CNBD1: variants seen among roughly 807,000 people sequenced by gnomAD.
The protein encoded by CNBD1 is cyclic nucleotide-binding domain-containing protein 1.
Under a neutral mutation model 54.4 loss-of-function variants are expected in CNBD1, and 71 were observed. The observed-to-expected ratio is 1.30, with a 90% CI of 1.08 to 1.59. The LOEUF (loss-of-function observed/expected upper bound fraction) is 1.59, where lower values mean the gene tolerates loss of function less well. Ranked by LOEUF, CNBD1 falls within the 40% of genes most tolerant of loss-of-function variation. The pLI, the probability that CNBD1 is intolerant of heterozygous loss-of-function variation, is 0.00. For missense variants in CNBD1, 659 were observed against 518.0 expected, an observed-to-expected ratio of 1.27 and a Z score of -2.64; for synonymous variants, 182 against 170.7, an observed-to-expected ratio of 1.07 and a Z score of -0.51.
chr8:87,259,136 TTC>T (rs1451820079), intron 6 of CNBD1, among the ~76,000 whole-genome samples: 13 of 152,180 alleles, frequency 8.5e-5, no homozygotes, highest in Non-Finnish European at 1.6e-4. Flanking sequence ...TGCATAAATT[TTC>T]TTTTATAAAT....
intron 8 of CNBD1, among the ~76,000 whole-genome samples, chr8:87,334,904 T>C (rs1280970579): frequency 1.3e-5 from 2 of 151,920 alleles, no homozygotes; most frequent in Non-Finnish European, 2.9e-5. Context: ...TTTGTACTTT[T>C]AGTAGAGACG....
At chr8:86,951,052 T>G (rs1276978144) in intron 4 of CNBD1, among the ~76,000 whole-genome samples, 3 of 152,190 alleles carry the variant, frequency 2.0e-5, no homozygotes, top group East Asian at 3.9e-4. Flanking sequence ...TAAACATTAC[T>G]TTTCTACTGT....
At chr8:86,965,005 A>T (rs570987805) in intron 4 of CNBD1, among the ~76,000 whole-genome samples, 1 of 152,194 alleles carries the variant, frequency 6.6e-6, no homozygotes, top group African/African-American at 2.4e-5. Context: ...AGGTGCTTAG[A>T]CCTAAGTTGT....
chr8:87,415,358 C>T (rs1807818187), intron 2 of CNBD1, among the ~76,000 whole-genome samples: 1 of 152,000 alleles, frequency 6.6e-6, no homozygotes. Flanking sequence ...TTTAGAACCA[C>T]TGCCTCACAG....
intron 4 of CNBD1, among the ~76,000 whole-genome samples, chr8:87,114,919 T>C (rs1169247724): frequency 6.6e-6 from 1 of 152,188 alleles, no homozygotes; most frequent in Non-Finnish European, 1.5e-5. Context: ...GGTTGTCTTC[T>C]AGGTAAGCAT....
intron 4 of CNBD1, among the ~76,000 whole-genome samples, chr8:87,087,419 G>A (rs964615020): frequency 4.7e-5 from 7 of 149,622 alleles, no homozygotes; most frequent in African/African-American, 1.7e-4. Context: ...GTTGAAGAAC[G>A]TTGTAAGAAA....
intron 5 of CNBD1, among the ~76,000 whole-genome samples, chr8:87,217,806 G>T (rs1168692421): frequency 3.3e-5 from 5 of 151,844 alleles, no homozygotes; most frequent in Non-Finnish European, 5.9e-5. Flanking sequence ...CAATTCATCT[G>T]GTTATCCAGG....
chr8:87,154,026 A>AGGCAGGC (rs1812662135), intron 4 of CNBD1, among the ~76,000 whole-genome samples: 1 of 152,178 alleles, frequency 6.6e-6, no homozygotes, highest in African/African-American at 2.4e-5. Context: ...GTGGAGAGCC[A>AGGCAGGC]GGCAGGCGGC....
intron 4 of CNBD1, among the ~76,000 whole-genome samples, chr8:87,045,285 A>G (rs1810157991): frequency 6.6e-6 from 1 of 152,182 alleles, no homozygotes; most frequent in Non-Finnish European, 1.5e-5. Context: ...GGTCCCAGTA[A>G]AGGAGAGCTA....
intron 4 of CNBD1, among the ~76,000 whole-genome samples, chr8:87,113,552 C>T (rs1480229985): frequency 6.6e-6 from 1 of 152,034 alleles, no homozygotes; most frequent in Non-Finnish European, 1.5e-5. Context: ...GGCTATTTAC[C>T]AAGAAAATAA....
chr8:86,995,188 A>G (rs1808841103), intron 4 of CNBD1, among the ~76,000 whole-genome samples: 1 of 152,188 alleles, frequency 6.6e-6, no homozygotes, highest in African/African-American at 2.4e-5. Context: ...AGGAAACACA[A>G]TTTCTGGCTT....
At chr8:87,386,630 A>G (rs1344218139), downstream of CNBD1, among the ~76,000 whole-genome samples, 1 of 152,224 alleles carries the variant, frequency 6.6e-6, no homozygotes, top group Admixed American at 6.5e-5. Flanking sequence ...TCTACATCTG[A>G]TTGCTGTACC....
chr8:87,002,776 T>C (rs957200515), intron 4 of CNBD1, among the ~76,000 whole-genome samples: 1 of 152,164 alleles, frequency 6.6e-6, no homozygotes, highest in African/African-American at 2.4e-5. Flanking sequence ...AACATACTTA[T>C]GTAATTTATT....
chr8:87,067,439 T>C (rs545522769), intron 4 of CNBD1, among the ~76,000 whole-genome samples: 1 of 152,118 alleles, frequency 6.6e-6, no homozygotes, highest in Non-Finnish European at 1.5e-5. Flanking sequence ...GAAGCATTTA[T>C]TATACGCAAG....
At chr8:87,281,797 AG>A (rs1224020858) in intron 6 of CNBD1, among the ~76,000 whole-genome samples, 1 of 150,970 alleles carries the variant, frequency 6.6e-6, no homozygotes, top group Non-Finnish European at 1.5e-5. Flanking sequence ...TATAAATGAA[AG>A]TTATCTCCCT....
At chr8:87,192,165 G>T (rs1296958112) in intron 4 of CNBD1, among the ~76,000 whole-genome samples, 2 of 152,082 alleles carry the variant, frequency 1.3e-5, no homozygotes, top group African/African-American at 4.8e-5. Flanking sequence ...AGAATGGAGT[G>T]ACATAGACAA....
intron 4 of CNBD1, among the ~76,000 whole-genome samples, chr8:87,108,497 A>G (rs1811589703): frequency 6.6e-6 from 1 of 152,188 alleles, no homozygotes; most frequent in Admixed American, 6.5e-5. Flanking sequence ...GCATTGTGAC[A>G]TGATATTTAT....
chr8:87,415,581 T>C (rs1425712938), intron 2 of CNBD1, among the ~76,000 whole-genome samples: 1 of 152,030 alleles, frequency 6.6e-6, no homozygotes, highest in East Asian at 1.9e-4. Context: ...GTTGAATGAC[T>C]AGTTGTTGCA....
chr8:87,187,528 C>A (rs1813506533), intron 4 of CNBD1, among the ~76,000 whole-genome samples: 1 of 148,402 alleles, frequency 6.7e-6, no homozygotes, highest in Non-Finnish European at 1.5e-5. Flanking sequence ...CAGTTTAAGA[C>A]ACCAAACATA....
Sources: gnomAD v4.1 joint callset for allele counts (sites outside exome capture counted in the v4.1 genomes callset) on GRCh38, gnomAD v4.1.1 for gene constraint, MANE v1.5 for transcripts, NCBI Gene and HGNC (gene_info 2026-07-23, HGNC 2026-07-21) for gene names.